The following CADM1 variants were observed in gnomAD, a reference collection of about 807,000 sequenced individuals.
CADM1 encodes cell adhesion molecule 1.
Under a neutral mutation model 53.1 loss-of-function variants are expected in CADM1, and 15 were observed. The observed-to-expected ratio is 0.28, with a 90% confidence interval of 0.19 to 0.44. The LOEUF is 0.44. Ranked by LOEUF, CADM1 falls within the 20% of genes least tolerant of loss-of-function variation. The pLI, the probability that CADM1 is intolerant of heterozygous loss-of-function variation, is 1.00. For missense variants in CADM1, 434 were observed against 611.3 expected (o/e 0.71, Z 3.06); for synonymous variants, 281 against 243.0 (o/e 1.16, Z -1.45).
intron 1 of CADM1, among the ~76,000 whole-genome samples, chr11:115,321,472 A>G (rs777628716): frequency 2.0e-5 from 3 of 152,228 alleles, no homozygotes; most frequent in Non-Finnish European, 2.9e-5. Context: ...AACTTCTCTG[A>G]GCACTTTAAT....
At chr11:115,202,790 C>G (rs930543567) in intron 8 of CADM1, among the ~76,000 whole-genome samples, 2 of 151,538 alleles carry the variant, frequency 1.3e-5, no homozygotes, top group East Asian at 1.9e-4. Context: ...AAGGAATTCC[C>G]CTGACAATTT....
intron 1 of CADM1, among the ~76,000 whole-genome samples, chr11:115,357,253 G>T (rs192562192): frequency 6.6e-6 from 1 of 152,268 alleles, no homozygotes; most frequent in Non-Finnish European, 1.5e-5. Context: ...GTTTCTGCCA[G>T]TATAAACAGA....
intron 1 of CADM1, among the ~76,000 whole-genome samples, chr11:115,480,712 G>A (rs1442363303): frequency 6.6e-6 from 1 of 152,124 alleles, no homozygotes; most frequent in Non-Finnish European, 1.5e-5. Flanking sequence ...CCTGGAGGGA[G>A]AACATTTCAA....
At chr11:115,237,287 A>G (rs367608043) in intron 3 of CADM1, among the ~76,000 whole-genome samples, 1 of 152,224 alleles carries the variant, frequency 6.6e-6, no homozygotes, top group East Asian at 1.9e-4. Context: ...AGTGACAAAT[A>G]TGAATACGTG....
At chr11:115,212,935 A>T (rs777509764) in intron 7 of CADM1, among the ~76,000 whole-genome samples, 20 of 152,316 alleles carry the variant, frequency 1.3e-4, no homozygotes, top group Non-Finnish European at 2.5e-4. Context: ...ACTATCCAAA[A>T]TTATTCAAAT....
chr11:115,378,690 C>T (rs888715497), intron 1 of CADM1, among the ~76,000 whole-genome samples: 7 of 152,016 alleles, frequency 4.6e-5, no homozygotes, highest in Non-Finnish European at 1.0e-4. Flanking sequence ...TCACAACACC[C>T]GAAAAACACA....
chr11:115,308,194 G>GTA lies in CADM1; in HGVS notation c.125-67776_125-67775dup, dbSNP rs560354243. On this transcript the variant is annotated intron_variant, in intron 1 of 11. Transcript: ENST00000331581. Reference sequence around the variant, plus strand: ...GTGTGTGTATATCACTCATAGGTGTGTATATATATATATATATACACACCT... The same window carrying GTA: ...GTGTGTGTATATCACTCATAGGTGTGTATATATATATATATATATACACACCT... Among the ~76,000 whole-genome samples the GTA allele has an allele frequency of 9.4e-3, 1,168 of 123,942 alleles. 11 individuals are homozygous for GTA. Among genetic ancestry groups the GTA allele is most frequent in the East Asian group, 0.03 (139 of 4,680 alleles). 81.3% of individuals were successfully genotyped at this position (123,942 alleles called of 152,430 possible).
chr11:115,296,029 T>C (rs960058999), intron 1 of CADM1, among the ~76,000 whole-genome samples: 1 of 152,172 alleles, frequency 6.6e-6, no homozygotes, highest in Non-Finnish European at 1.5e-5. Flanking sequence ...TAGTTCACTA[T>C]AACCTGGAAC....
chr11:115,342,996 C>A (rs562654559), intron 1 of CADM1, among the ~76,000 whole-genome samples: 2 of 152,092 alleles, frequency 1.3e-5, no homozygotes, highest in African/African-American at 2.4e-5. Context: ...TGAAGAGATA[C>A]AAGGGGTTAT....
rs563531415 is a variant in CADM1 at position 115,319,277 on chromosome 11, T to C, written c.125-78857A>G. Among the ~76,000 whole-genome samples the C allele has an allele frequency of 2.0e-5, 3 of 152,212 alleles. No individual in the cohort carries two copies. The East Asian group carries it at 5.8e-4, about 30-fold the overall frequency. On this transcript the variant is annotated intron_variant, in intron 1 of 11. Coordinates refer to ENST00000331581, the MANE Select transcript of CADM1 (RefSeq NM_001301043.2). ...AGAAACTGGTTGTGCCAAAAGCAGCTCTTCTTTGTCTTTCCTGCTGCCTAA... is the reference window on the plus strand; with the variant it reads ...AGAAACTGGTTGTGCCAAAAGCAGCCCTTCTTTGTCTTTCCTGCTGCCTAA...
At chr11:115,341,076 G>A (rs543155866) in intron 1 of CADM1, among the ~76,000 whole-genome samples, 61 of 152,052 alleles carry the variant, frequency 4.0e-4, no homozygotes, top group Non-Finnish European at 6.0e-4. Context: ...TGACATCGTC[G>A]CATTCTAAAA....
intron 3 of CADM1, among the ~76,000 whole-genome samples, chr11:115,233,903 C>G (rs917177920): frequency 6.6e-6 from 1 of 152,216 alleles, no homozygotes; most frequent in African/African-American, 2.4e-5. Context: ...CCACTGGCAA[C>G]CCGGGAAATC....
chr11:115,490,916 T>A (rs1359740737), intron 1 of CADM1, among the ~76,000 whole-genome samples: 1 of 152,190 alleles, frequency 6.6e-6, no homozygotes, highest in Non-Finnish European at 1.5e-5. Context: ...GAGGATTAAA[T>A]GAGATCATGA....
At chr11:115,232,492 G>T (rs1401102705) in intron 3 of CADM1, among the ~76,000 whole-genome samples, 1 of 152,154 alleles carries the variant, frequency 6.6e-6, no homozygotes, top group Non-Finnish European at 1.5e-5. Flanking sequence ...AACCAAAGAC[G>T]AAAGAGACTC....
At chr11:115,230,762 G>A (rs1030619010) in intron 4 of CADM1, among the ~76,000 whole-genome samples, 1 of 152,164 alleles carries the variant, frequency 6.6e-6, no homozygotes, top group Non-Finnish European at 1.5e-5. Context: ...TTGGGCAACT[G>A]AATCACAAAT....
intron 7 of CADM1, among the ~76,000 whole-genome samples, chr11:115,211,777 C>A: frequency 6.6e-6 from 1 of 152,070 alleles, no homozygotes. Context: ...GCGTGAGCCA[C>A]CACGCCCAGC....
At position 115,309,757 on chromosome 11, in the gene CADM1, G is replaced by T. The variant is rs528377955; in HGVS notation, c.125-69337C>A. On this transcript the variant is annotated intron_variant, in intron 1 of 11. Coordinates refer to ENST00000331581, the MANE Select transcript of CADM1 (RefSeq NM_001301043.2). ...TTAAGGCAAGTCACTCAATCTCTGT[G>T]AACCTCCACATCCTCACCTATAAAT... Among the ~76,000 whole-genome samples the T allele has an allele frequency of 4.6e-5, 7 of 152,222 alleles. No homozygotes were observed. In the East Asian group the frequency reaches 1.4e-3, roughly 30 times the overall value.
At chr11:115,196,734 T>G (rs1940176791) in intron 9 of CADM1, among the ~76,000 whole-genome samples, 1 of 152,096 alleles carries the variant, frequency 6.6e-6, no homozygotes, top group Non-Finnish European at 1.5e-5. Flanking sequence ...TGAGCTTGCA[T>G]TTTACCTTGT....
chr11:115,214,074 TA>T (rs1941075586), intron 7 of CADM1, among the ~76,000 whole-genome samples: 1 of 152,190 alleles, frequency 6.6e-6, no homozygotes, highest in Non-Finnish European at 1.5e-5. Context: ...ACACATTTTT[TA>T]AAAAAGCTTT....
Sources: gnomAD v4.1 joint callset for allele counts (sites outside exome capture counted in the v4.1 genomes callset) on GRCh38, gnomAD v4.1.1 for gene constraint, MANE v1.5 for transcripts, NCBI Gene and HGNC (gene_info 2026-07-23, HGNC 2026-07-21) for gene names.